The following TTC3 variants were observed in gnomAD, a reference collection of about 807,000 sequenced individuals.
TTC3 encodes the protein tetratricopeptide repeat domain 3.
TTC3 carries 180 observed loss-of-function variants against 249.6 expected under a neutral mutation model. That is an observed-to-expected ratio of 0.72 (90% CI 0.64 to 0.82). The LOEUF (loss-of-function observed/expected upper bound fraction) is 0.82, where lower values mean the gene tolerates loss of function less well. Among genes scored for constraint, TTC3 ranks in the 40% least tolerant of loss-of-function variants. The pLI is 0.00. For missense variants in TTC3, 2,061 were observed against 2,398.4 expected (o/e 0.86, Z 2.94); for synonymous variants, 717 against 805.0 (o/e 0.89, Z 1.85).
At chr21:37,087,982 ATTC>A in intron 3 of TTC3, 107 bp downstream of exon 3, 1 of 996,772 alleles carries the variant, frequency 1.0e-6, no homozygotes, top group Admixed American at 2.9e-5. Flanking sequence ...TTAAAAATGT[ATTC>A]TTACTAGTTT....
intron 14 of TTC3, 94 bp from the exon 15 acceptor site, chr21:37,125,986 T>C: frequency 8.2e-7 from 1 of 1,223,420 alleles, no homozygotes; most frequent in Non-Finnish European, 1.1e-6. Flanking sequence ...GTGAATTCTA[T>C]CCTATTCTAT....
intron 7 of TTC3, 85 bp downstream of exon 7, chr21:37,091,498 A>T (rs1321697559): frequency 7.2e-6 from 9 of 1,254,826 alleles, no homozygotes; most frequent in Non-Finnish European, 9.5e-6. Context: ...GTGATTTCTG[A>T]TTTATCTTAG....
chr21:37,167,551 A>G lies in TTC3; in HGVS notation c.4402-4A>G, dbSNP rs756222428. 99 of 1,605,914 alleles carry G rather than the reference A, an allele frequency of 6.2e-5. No individual in the cohort carries two copies. The highest frequency in any genetic ancestry group is 8.3e-5 in the Non-Finnish European group (98 of 1,175,316). Reference sequence around the variant, plus strand: ...GTGAATTTTATTTTTTGTTTTGCCCACAGGTATCTTGGAACATAATACACC... The same window carrying G: ...GTGAATTTTATTTTTTGTTTTGCCCGCAGGTATCTTGGAACATAATACACC... On this transcript the variant is annotated splice_region_variant and splice_polypyrimidine_tract_variant and intron_variant, in intron 33 of 45. Coordinates refer to ENST00000355666, the Ensembl canonical transcript of TTC3.
intron 1 of TTC3, chr21:37,082,816 A>G: frequency 4.1e-6 from 4 of 969,642 alleles, no homozygotes; most frequent in Non-Finnish European, 4.9e-6. Flanking sequence ...TCTTTATTTT[A>G]ATATTTAATT....
At chr21:37,145,058 T>C (rs189981366) in intron 21 of TTC3, among the ~76,000 whole-genome samples, 6 of 152,360 alleles carry the variant, frequency 3.9e-5, no homozygotes, top group African/African-American at 1.4e-4. Context: ...GAAGGTATAG[T>C]ATTGTTGTTT....
Position 37,123,979 on chromosome 21 carries a change from CCT to C in TTC3, c.1110-638_1110-637del, listed in dbSNP as rs58772922. On this transcript the variant is annotated intron_variant, in intron 13 of 45. Transcript: ENST00000355666. ...GGCCAGACTGGTCTCAAACTCCTGA[CCT>C]CAAGTGATCCGCTCGCCTTGGCCTC... 9.2e-3 allele frequency among the ~76,000 whole-genome samples: 1,399 copies of C among 152,018 alleles called. 26 individuals carry two copies. Among genetic ancestry groups the C allele is most frequent in the African/African-American group, 0.032 (1,326 of 41,462 alleles).
At chr21:37,177,108 G>A (rs2082347087) in intron 35 of TTC3, among the ~76,000 whole-genome samples, 1 of 151,996 alleles carries the variant, frequency 6.6e-6, no homozygotes, top group Non-Finnish European at 1.5e-5. Context: ...TGCTGTTCTT[G>A]CCTACATATC....
intron 27 of TTC3, among the ~76,000 whole-genome samples, chr21:37,154,377 A>C (rs986192479): frequency 2.6e-5 from 4 of 152,226 alleles, no homozygotes; most frequent in African/African-American, 9.6e-5. Context: ...GTAAGATGGC[A>C]GCAAGCCTGG....
Position 37,094,164 on chromosome 21 carries a change from A to G in TTC3, c.687+74A>G, listed in dbSNP as rs947862470. 8 of 762,324 alleles carry G rather than the reference A, an allele frequency of 1.0e-5. No individual in the cohort carries two copies. The East Asian group carries it at 1.5e-4, about 14-fold the overall frequency. 47.2% of individuals were successfully genotyped at this position (762,324 alleles called of 1,614,324 possible). A position where few individuals can be genotyped will look rare whatever the true frequency, so the allele number is the denominator to read the frequency against. ...TTTTAACACTCAGAGGAAGTTAATA[A>G]AACTGCTGACAATATACAATTCATA... On this transcript the variant is annotated intron_variant, in intron 8 of 45. Transcript: ENST00000355666.
At chr21:37,162,579 A>G (rs1435405672) in intron 31 of TTC3, among the ~76,000 whole-genome samples, 2 of 152,126 alleles carry the variant, frequency 1.3e-5, no homozygotes, top group Non-Finnish European at 2.9e-5. Flanking sequence ...TAACCTTTTT[A>G]TATCATACTC....
chr21:37,192,503 G>GTGTGTGTGTGTGTA, intron 41 of TTC3, among the ~76,000 whole-genome samples: 1 of 151,588 alleles, frequency 6.6e-6, no homozygotes, highest in South Asian at 2.1e-4. Context: ...GTGTGTGTGT[G>GTGTGTGTGTGTGTA]TGTGTGTGTG....
At position 37,124,112 on chromosome 21, in the gene TTC3, C is replaced by CTTTTTTTTTTTTTTT. The variant is rs60916518; in HGVS notation, c.1110-498_1110-484dup. Among the ~76,000 whole-genome samples, 43 of 61,280 alleles carry CTTTTTTTTTTTTTTT rather than the reference C, an allele frequency of 7.0e-4. 13 individuals are homozygous for CTTTTTTTTTTTTTTT. The highest frequency in any genetic ancestry group is 2.9e-3 in the South Asian group (4 of 1,402). The allele number at this position is 61,280 out of a possible 152,430, so 40.2% of individuals were successfully genotyped here. On this transcript the variant is annotated intron_variant, in intron 13 of 45. Transcript: ENST00000355666. ...GCAGAATACTTCTTTTTGAACTGTTCTTTTTTTTTTTTTTTTTTTTTTTGA... is the reference window on the plus strand; with the variant it reads ...GCAGAATACTTCTTTTTGAACTGTTCTTTTTTTTTTTTTTTTTTTTTTTTTTTTTTTTTTTTTTGA...
chr21:37,184,151 A>G (rs1015952466), intron 36 of TTC3, among the ~76,000 whole-genome samples: 1 of 152,202 alleles, frequency 6.6e-6, no homozygotes, highest in Admixed American at 6.5e-5. Context: ...TACGGAAACA[A>G]TAATGTCTGT....
exon 28 of TTC3, chr21:37,156,879 G>T (rs778169602): frequency 6.2e-7 from 1 of 1,613,778 alleles, no homozygotes; most frequent in East Asian, 2.2e-5. Flanking sequence ...ATTGCATAGT[G>T]CTTTAGATGA....
chr21:37,076,721 G>C (rs1299387346), intron 1 of TTC3, among the ~76,000 whole-genome samples: 1 of 22,218 alleles, frequency 4.5e-5, no homozygotes, highest in African/African-American at 2.4e-4. Flanking sequence ...TTTTTTTTTT[G>C]AGTGAAGTTT....
At chr21:37,122,816 A>G (rs2076730329) in intron 12 of TTC3, among the ~76,000 whole-genome samples, 167 bp from the exon 13 acceptor site, 1 of 152,166 alleles carries the variant, frequency 6.6e-6, no homozygotes, top group Non-Finnish European at 1.5e-5. Flanking sequence ...TGTTGACACC[A>G]TCCTAAAACT....
chr21:37,154,685 GT>G (rs373603748), intron 27 of TTC3, among the ~76,000 whole-genome samples: 1 of 151,696 alleles, frequency 6.6e-6, no homozygotes, highest in Non-Finnish European at 1.5e-5. Context: ...TAAACCATGT[GT>G]TTTTTTTGTT....
chr21:37,091,544 T>A (rs1294863176), intron 7 of TTC3, 131 bp downstream of exon 7: 3 of 420,080 alleles, frequency 7.1e-6, no homozygotes, highest in Non-Finnish European at 1.1e-5. Context: ...TATATATGGC[T>A]GAAAAAGAGA....
At chr21:37,143,494 G>T (rs1385471592) in intron 20 of TTC3, among the ~76,000 whole-genome samples, 1 of 151,998 alleles carries the variant, frequency 6.6e-6, no homozygotes, top group African/African-American at 2.4e-5. Flanking sequence ...ATGAAAAAAT[G>T]CTCATCATCA....
Sources: allele counts gnomAD v4.1 joint callset (sites outside exome capture counted in the v4.1 genomes callset), GRCh38; gene constraint gnomAD v4.1.1; transcripts MANE v1.5; gene names NCBI Gene and HGNC (gene_info 2026-07-23, HGNC 2026-07-21).